Variants in RPS6KC1 observed in about 807,000 individuals in gnomAD.
RPS6KC1 encodes the protein ribosomal protein S6 kinase C1.
A neutral mutation model predicts 103.8 loss-of-function variants in RPS6KC1; 54 were observed. That is an observed-to-expected ratio of 0.52 (90% confidence interval 0.42 to 0.65). RPS6KC1 has a LOEUF of 0.65. Ranked by LOEUF, RPS6KC1 falls within the 30% of genes least tolerant of loss-of-function variation. The probability of loss-of-function intolerance (pLI) is 0.00; values close to 1 mark genes in which losing one functional copy is unlikely to be tolerated. For missense variants in RPS6KC1, 1,151 were observed against 1,253.8 expected (o/e 0.92, Z 1.24); for synonymous variants, 439 against 438.7 (o/e 1.00, Z -0.01).
chr1:213,071,167 T>G lies in RPS6KC1; in HGVS notation c.141+126T>G, dbSNP rs2078837154. On this transcript the variant is annotated intron_variant, in intron 2 of 14. Transcript: ENST00000366960. ...TTTTTGAGACGGAGTTTCGCTCCTGTTGCTCAGGCTGGAGTGCAGTGGCGC... is the reference window on the plus strand; with the variant it reads ...TTTTTGAGACGGAGTTTCGCTCCTGGTGCTCAGGCTGGAGTGCAGTGGCGC... The G allele has an allele frequency of 1.8e-5, 10 of 553,024 alleles. No individual in the cohort carries two copies. In the East Asian group the frequency reaches 3.7e-4, roughly 21 times the overall value. The allele number at this position is 553,024 out of a possible 1,614,324, so 34.3% of individuals were successfully genotyped here. A position where few individuals can be genotyped will look rare whatever the true frequency, so the allele number is the denominator to read the frequency against.
chr1:213,600,099 G>A, the RPS6KC1 span, among the ~76,000 whole-genome samples: 4 of 152,030 alleles, frequency 2.6e-5, no homozygotes, highest in African/African-American at 4.8e-5. Flanking sequence ...TTCTTGGCTC[G>A]CGCTTCCCTC....
At chr1:213,498,915 G>A in the RPS6KC1 span, among the ~76,000 whole-genome samples, 6 of 151,782 alleles carry the variant, frequency 4.0e-5, no homozygotes, top group Admixed American at 3.9e-4. Flanking sequence ...AAGTAGCTGG[G>A]ATTATAGGCA....
the RPS6KC1 span, among the ~76,000 whole-genome samples, chr1:213,808,731 C>G: frequency 1.6e-4 from 25 of 152,260 alleles, no homozygotes; most frequent in South Asian, 2.1e-4. Context: ...CTTGTGCTTC[C>G]CGAGTGAGGC....
chr1:213,403,905 C>T, the RPS6KC1 span, among the ~76,000 whole-genome samples: 1 of 152,166 alleles, frequency 6.6e-6, no homozygotes, highest in Non-Finnish European at 1.5e-5. Context: ...CCCTTCTGCT[C>T]TTTCCTAACT....
the RPS6KC1 span, among the ~76,000 whole-genome samples, chr1:213,656,760 GC>G: frequency 1.3e-5 from 2 of 152,196 alleles, no homozygotes; most frequent in African/African-American, 4.8e-5. Flanking sequence ...TTTGTGCTTT[GC>G]CTTGTAAATG....
chr1:213,151,730 A>G (rs1191980060), intron 6 of RPS6KC1, among the ~76,000 whole-genome samples: 2 of 87,798 alleles, frequency 2.3e-5, no homozygotes, highest in African/African-American at 4.7e-5. Flanking sequence ...CGGGGGGCTG[A>G]CCCCCCCACC....
chr1:213,354,319 G>A, the RPS6KC1 span, among the ~76,000 whole-genome samples: 182 of 152,274 alleles, frequency 1.2e-3, 1 homozygote, highest in South Asian at 2.3e-3. Flanking sequence ...AGGTGATGAT[G>A]GTAATGATCC....
At chr1:213,481,999 TCTCA>T in the RPS6KC1 span, among the ~76,000 whole-genome samples, 1 of 152,108 alleles carries the variant, frequency 6.6e-6, no homozygotes, top group African/African-American at 2.4e-5. Flanking sequence ...CCTCCTTCCC[TCTCA>T]CTCGCTCCTG....
chr1:213,370,938 C>T, the RPS6KC1 span, among the ~76,000 whole-genome samples: 2 of 152,190 alleles, frequency 1.3e-5, no homozygotes, highest in Non-Finnish European at 2.9e-5. Flanking sequence ...TAGATTCATA[C>T]AGTGTGGTTA....
At chr1:213,065,213 G>T (rs61834088) in intron 1 of RPS6KC1, among the ~76,000 whole-genome samples, 5,176 of 151,730 alleles carry the variant, frequency 0.034, 121 homozygotes, top group Middle Eastern at 0.054. Flanking sequence ...CTGACCTCGT[G>T]ATCCACCCTC....
intron 10 of RPS6KC1, among the ~76,000 whole-genome samples, chr1:213,232,714 C>A (rs2094132691): frequency 1.3e-5 from 2 of 152,122 alleles, no homozygotes; most frequent in South Asian, 4.1e-4. Context: ...TCATTCTGAT[C>A]TGAGTTTTTA....
downstream of RPS6KC1, among the ~76,000 whole-genome samples, chr1:213,277,568 C>T (rs1373216420): frequency 6.6e-6 from 1 of 152,190 alleles, no homozygotes; most frequent in Non-Finnish European, 1.5e-5. Flanking sequence ...TTGTTCTTCC[C>T]CAAGGAAGGG....
chr1:213,369,546 C>G, the RPS6KC1 span, among the ~76,000 whole-genome samples: 2 of 152,228 alleles, frequency 1.3e-5, no homozygotes, highest in Non-Finnish European at 2.9e-5. Flanking sequence ...TGCCGGGATA[C>G]TGGGATGTGT....
At chr1:213,104,951 A>G (rs997395638) in intron 4 of RPS6KC1, among the ~76,000 whole-genome samples, 1 of 152,116 alleles carries the variant, frequency 6.6e-6, no homozygotes, top group African/African-American at 2.4e-5. Context: ...CTCTGTCATA[A>G]TTGAAATACA....
At chr1:213,417,562 C>A in the RPS6KC1 span, among the ~76,000 whole-genome samples, 1 of 151,536 alleles carries the variant, frequency 6.6e-6, no homozygotes, top group East Asian at 1.9e-4. Context: ...GCTCGGGGTG[C>A]GGCTGGAGGG....
In RPS6KC1 at chr1:213,230,663, C is replaced by T. The variant is rs1379069402; in HGVS notation, c.1092+119C>T. ...TATCCTGGCCAACATGGTGAAACCCCGTTTCTACTAAAAATACAAAAATTA... is the reference window on the plus strand; with the variant it reads ...TATCCTGGCCAACATGGTGAAACCCTGTTTCTACTAAAAATACAAAAATTA... On this transcript the variant is annotated intron_variant, in intron 9 of 14. Coordinates refer to ENST00000366960, the MANE Select transcript of RPS6KC1 (RefSeq NM_012424.6). The T allele has an allele frequency of 1.3e-5, 7 of 524,406 alleles. No individual in the cohort carries two copies. In the South Asian group the frequency reaches 1.7e-4, roughly 13 times the overall value. 32.5% of individuals were successfully genotyped at this position (524,406 alleles called of 1,614,324 possible).
chr1:213,425,659 C>G, the RPS6KC1 span, among the ~76,000 whole-genome samples: 2 of 152,226 alleles, frequency 1.3e-5, no homozygotes, highest in Non-Finnish European at 2.9e-5. Flanking sequence ...AGCTCTCCAC[C>G]ACAATGAGAG....
At chr1:213,755,291 T>C in the RPS6KC1 span, among the ~76,000 whole-genome samples, 1 of 152,216 alleles carries the variant, frequency 6.6e-6, no homozygotes, top group Non-Finnish European at 1.5e-5. Flanking sequence ...CTAATGCAAC[T>C]GAAGGCTCCA....
chr1:213,509,719 TCATTAATA>T, the RPS6KC1 span, among the ~76,000 whole-genome samples: 1 of 152,328 alleles, frequency 6.6e-6, no homozygotes, highest in South Asian at 2.1e-4. Flanking sequence ...AGCAGTACCT[TCATTAATA>T]CATTTTATAA....
Sources: allele counts gnomAD v4.1 joint callset (sites outside exome capture counted in the v4.1 genomes callset), GRCh38; gene constraint gnomAD v4.1.1; transcripts MANE v1.5; gene names NCBI Gene and HGNC (gene_info 2026-07-23, HGNC 2026-07-21).